The following ULK4 variants were observed in gnomAD, a reference collection of about 807,000 sequenced individuals.
The protein encoded by ULK4 is unc-51 like kinase 4, also known as inactive serine/threonine-protein kinase ULK4.
In ULK4, 133 loss-of-function variants were observed where a neutral mutation model predicts 160.6. The ratio of observed to expected loss-of-function variants is 0.83; its 90% confidence interval spans 0.72 to 0.96. ULK4 has a LOEUF of 0.96. ULK4 is among the 40% of genes least tolerant of loss of function. ULK4 has a pLI of 0.00. For missense variants in ULK4, 1,580 were observed against 1,499.5 expected (o/e 1.05, Z -0.89); for synonymous variants, 534 against 539.8 (o/e 0.99, Z 0.15).
At chr3:41,674,200 T>A (rs1452266716) in intron 29 of ULK4, among the ~76,000 whole-genome samples, 1 of 152,130 alleles carries the variant, frequency 6.6e-6, no homozygotes, top group Non-Finnish European at 1.5e-5. Flanking sequence ...TCTAGTCCCA[T>A]TTACAGATAA....
At chr3:41,649,110 AGAGT>A (rs2034631171) in intron 30 of ULK4, among the ~76,000 whole-genome samples, 1 of 151,906 alleles carries the variant, frequency 6.6e-6, no homozygotes, top group Non-Finnish European at 1.5e-5. Context: ...CCTGGGTGAC[AGAGT>A]GAGACCCTGT....
At chr3:41,885,462 G>A (rs555827946) in intron 16 of ULK4, among the ~76,000 whole-genome samples, 4 of 152,118 alleles carry the variant, frequency 2.6e-5, no homozygotes, top group Non-Finnish European at 5.9e-5. Context: ...CAAAATTCAG[G>A]TTTTCTCAGG....
chr3:41,555,415 T>A (rs1449119917), intron 32 of ULK4, among the ~76,000 whole-genome samples: 1 of 150,978 alleles, frequency 6.6e-6, no homozygotes, highest in African/African-American at 2.4e-5. Context: ...CCAACAAACA[T>A]GAAAAATGCT....
chr3:41,712,727 G>A (rs1226455450), intron 25 of ULK4, among the ~76,000 whole-genome samples: 1 of 151,706 alleles, frequency 6.6e-6, no homozygotes, highest in Non-Finnish European at 1.5e-5. Context: ...TCATCTCTTC[G>A]AAAAATTTTT....
At chr3:41,380,637 A>G (rs1250787732) in intron 35 of ULK4, among the ~76,000 whole-genome samples, 2 of 152,144 alleles carry the variant, frequency 1.3e-5, no homozygotes, top group Non-Finnish European at 2.9e-5. Context: ...TGGGACAGTC[A>G]AGGCCAATCT....
intron 21 of ULK4, among the ~76,000 whole-genome samples, chr3:41,764,048 A>T (rs2039076929): frequency 6.6e-6 from 1 of 152,240 alleles, no homozygotes; most frequent in Non-Finnish European, 1.5e-5. Flanking sequence ...AGGAGTTTTC[A>T]AAGTATTCAT....
intron 3 of ULK4, among the ~76,000 whole-genome samples, chr3:41,936,720 T>C (rs996835591): frequency 3.3e-5 from 5 of 151,994 alleles, no homozygotes; most frequent in Admixed American, 6.6e-5. Context: ...ATTAAAACAA[T>C]TGGAATCATG....
chr3:41,773,364 T>G (rs2039478361), intron 21 of ULK4, among the ~76,000 whole-genome samples: 1 of 152,204 alleles, frequency 6.6e-6, no homozygotes, highest in African/African-American at 2.4e-5. Context: ...ATAAGCAACT[T>G]CAGCAAAGTC....
chr3:41,451,735 C>CA (rs2083429918), intron 34 of ULK4, among the ~76,000 whole-genome samples: 1 of 152,090 alleles, frequency 6.6e-6, no homozygotes, highest in Non-Finnish European at 1.5e-5. Context: ...ATTGGTAGTA[C>CA]AGACTAATAA....
At chr3:41,557,243 C>T (rs973538845) in intron 32 of ULK4, among the ~76,000 whole-genome samples, 1 of 151,654 alleles carries the variant, frequency 6.6e-6, no homozygotes. Context: ...AAAAAAAGAT[C>T]CTCAGACAAA....
chr3:41,370,049 T>C (rs2081331229), intron 35 of ULK4, among the ~76,000 whole-genome samples: 1 of 152,164 alleles, frequency 6.6e-6, no homozygotes, highest in Non-Finnish European at 1.5e-5. Context: ...TCCAGGTTGC[T>C]AAGCAACGTC....
intron 30 of ULK4, among the ~76,000 whole-genome samples, chr3:41,640,211 G>A (rs141110732): frequency 5.5e-4 from 83 of 152,240 alleles, no homozygotes; most frequent in African/African-American, 1.9e-3. Context: ...GGACCAGCTA[G>A]GAAAGCTCAC....
chr3:41,664,925 A>T (rs2035306931), intron 29 of ULK4, among the ~76,000 whole-genome samples: 1 of 152,200 alleles, frequency 6.6e-6, no homozygotes, highest in Admixed American at 6.5e-5. Context: ...GTGATTTGCT[A>T]GGCAGAGGCT....
chr3:41,769,136 C>T (rs1575674141), intron 21 of ULK4, among the ~76,000 whole-genome samples: 1 of 152,140 alleles, frequency 6.6e-6, no homozygotes, highest in Non-Finnish European at 1.5e-5. Context: ...AACACAATAA[C>T]TCTGGGTCCT....
chr3:41,794,535 C>T (rs2040236800), intron 20 of ULK4, among the ~76,000 whole-genome samples: 1 of 151,576 alleles, frequency 6.6e-6, no homozygotes, highest in Non-Finnish European at 1.5e-5. Flanking sequence ...ATGGTGGACA[C>T]CTGTAATCTC....
intron 34 of ULK4, among the ~76,000 whole-genome samples, chr3:41,431,278 G>T (rs1050512349): frequency 6.6e-6 from 1 of 151,644 alleles, no homozygotes. Context: ...AACCCGGGGG[G>T]CAGAGGTTGC....
chr3:41,877,356 C>CA (rs1390130580), intron 17 of ULK4, among the ~76,000 whole-genome samples: 1 of 149,536 alleles, frequency 6.7e-6, no homozygotes. Flanking sequence ...TTTTTTGAGA[C>CA]AGAGTCTTGC....
intron 35 of ULK4, among the ~76,000 whole-genome samples, chr3:41,314,255 T>G (rs2080105776): frequency 6.6e-6 from 1 of 152,236 alleles, no homozygotes; most frequent in South Asian, 2.1e-4. Flanking sequence ...ATTTCTTACA[T>G]GCATATATTG....
At chr3:41,633,420 T>G (rs1299466923) in intron 30 of ULK4, among the ~76,000 whole-genome samples, 1 of 152,312 alleles carries the variant, frequency 6.6e-6, no homozygotes, top group East Asian at 1.9e-4. Context: ...TTTGCTTTTA[T>G]GATATAATGG....
Sources: allele counts gnomAD v4.1 joint callset (sites outside exome capture counted in the v4.1 genomes callset), GRCh38; gene constraint gnomAD v4.1.1; transcripts MANE v1.5; gene names NCBI Gene and HGNC (gene_info 2026-07-23, HGNC 2026-07-21).